The following CADM2 variants were observed in gnomAD, a reference collection of about 807,000 sequenced individuals.
The protein encoded by CADM2 is cell adhesion molecule 2.
Under a neutral mutation model 49.8 loss-of-function variants are expected in CADM2, and 12 were observed. The ratio of observed to expected loss-of-function variants is 0.24; its 90% CI spans 0.15 to 0.39. The LOEUF (loss-of-function observed/expected upper bound fraction) is 0.39, where lower values mean the gene tolerates loss of function less well. CADM2 is among the 10% of genes least tolerant of loss of function. The pLI is 1.00. For synonymous variants in CADM2, 214 were observed against 175.4 expected, an observed-to-expected ratio of 1.22 and a Z score of -1.74; for missense variants, 378 against 492.3, an observed-to-expected ratio of 0.77 and a Z score of 2.20.
intron 6 of CADM2, among the ~76,000 whole-genome samples, chr3:85,916,075 A>G (rs536190275): frequency 6.6e-6 from 1 of 152,306 alleles, no homozygotes; most frequent in African/African-American, 2.4e-5. Flanking sequence ...TATACAATTT[A>G]TATGAATCTA....
rs904610176 is a variant in CADM2, at chr3:85,784,526, A to ATATT, written c.89-17517_89-17514dup. On this transcript the variant is annotated intron_variant, in intron 2 of 9. Transcript: ENST00000383699. ...TGAGAAGAAAGAAAGAGATCTAAATATATTTATCTATCTATCTATCTATCT... is the reference window on the plus strand; with the variant it reads ...TGAGAAGAAAGAAAGAGATCTAAATATATTTATTTATCTATCTATCTATCTATCT... Among the ~76,000 whole-genome samples, 4 of 134,106 alleles carry ATATT rather than the reference A, an allele frequency of 3.0e-5. No individual in the cohort carries two copies. The Admixed American group carries it at 3.0e-4, about 10-fold the overall frequency. The allele number at this position is 134,106 out of a possible 152,430, so 88.0% of individuals were successfully genotyped here.
At chr3:85,127,798 G>T (rs72907103) in intron 1 of CADM2, among the ~76,000 whole-genome samples, 10,516 of 152,124 alleles carry the variant, frequency 0.069, 1,216 homozygotes, top group African/African-American at 0.24. Flanking sequence ...ACACATATTT[G>T]ATTTTAGAGT....
At chr3:85,234,378 TC>T (rs2042365730) in intron 1 of CADM2, among the ~76,000 whole-genome samples, 1 of 152,128 alleles carries the variant, frequency 6.6e-6, no homozygotes, top group African/African-American at 2.4e-5. Flanking sequence ...AATTTCTGTA[TC>T]TGCCTAAACA....
chr3:85,744,867 G>A (rs1242560474), intron 2 of CADM2, among the ~76,000 whole-genome samples: 1 of 152,134 alleles, frequency 6.6e-6, no homozygotes, highest in Non-Finnish European at 1.5e-5. Flanking sequence ...TACTCTGAGT[G>A]CAATGGCAAA....
At chr3:85,448,040 C>G (rs750069921) in intron 1 of CADM2, among the ~76,000 whole-genome samples, 6 of 152,006 alleles carry the variant, frequency 3.9e-5, no homozygotes, top group Admixed American at 2.6e-4. Flanking sequence ...GCACAAAATC[C>G]TAGCAAATAG....
At chr3:85,549,409 A>C (rs1194991255) in intron 1 of CADM2, among the ~76,000 whole-genome samples, 1 of 152,192 alleles carries the variant, frequency 6.6e-6, no homozygotes, top group Non-Finnish European at 1.5e-5. Flanking sequence ...CCGGTCTCAT[A>C]TATAAGAACA....
At chr3:85,912,878 TTGA>T (rs969796315) in intron 6 of CADM2, among the ~76,000 whole-genome samples, 9 of 152,148 alleles carry the variant, frequency 5.9e-5, no homozygotes, top group Admixed American at 5.2e-4. Flanking sequence ...TGAGAGGGCC[TTGA>T]TGAACAGTGT....
At chr3:85,371,550 C>T (rs904019427) in intron 1 of CADM2, among the ~76,000 whole-genome samples, 1 of 150,518 alleles carries the variant, frequency 6.6e-6, no homozygotes, top group Non-Finnish European at 1.5e-5. Flanking sequence ...TACACAAGAA[C>T]AAGAACAAAG....
chr3:85,650,571 G>A (rs2065016976), intron 1 of CADM2, among the ~76,000 whole-genome samples: 2 of 150,990 alleles, frequency 1.3e-5, no homozygotes, highest in African/African-American at 4.9e-5. Context: ...TAGAACAGTG[G>A]TTCTCAAAGT....
At chr3:85,317,312 A>AC in intron 1 of CADM2, among the ~76,000 whole-genome samples, 1 of 152,230 alleles carries the variant, frequency 6.6e-6, no homozygotes, top group South Asian at 2.1e-4. Context: ...CTCCCTAGGG[A>AC]CCTGACAGAT....
At chr3:85,110,043 C>T (rs538844639) in intron 1 of CADM2, among the ~76,000 whole-genome samples, 1 of 151,992 alleles carries the variant, frequency 6.6e-6, no homozygotes, top group East Asian at 1.9e-4. Flanking sequence ...GTTTAGGAGA[C>T]ACTTGGAAAA....
chr3:85,900,085 A>T (rs1243136757), intron 5 of CADM2, among the ~76,000 whole-genome samples: 1 of 152,132 alleles, frequency 6.6e-6, no homozygotes, highest in Non-Finnish European at 1.5e-5. Flanking sequence ...ATCTCTCAAG[A>T]TATTAAGCAG....
Position 86,071,725 on chromosome 3 carries a change from A to G in CADM2, c.*4942A>G, listed in dbSNP as rs1739881483. ...CTTCAGTGTATTCTATGGTGTATGAATCTGCATTTGTTTTTCCTTTTCTAT... is the reference window on the plus strand; with the variant it reads ...CTTCAGTGTATTCTATGGTGTATGAGTCTGCATTTGTTTTTCCTTTTCTAT... On this transcript the variant is annotated 3_prime_UTR_variant, in exon 10 of 10. Transcript: ENST00000383699. The G allele has an allele frequency of 6.6e-6, 1 of 151,972 alleles. No individual in the cohort carries two copies. Among genetic ancestry groups the G allele is most frequent in the Non-Finnish European group, 1.5e-5 (1 of 67,892 alleles). The allele number at this position is 151,972 out of a possible 1,614,324, so 9.4% of individuals were successfully genotyped here.
chr3:85,992,506 T>C (rs561804810), intron 8 of CADM2: 27 of 152,290 alleles, frequency 1.8e-4, no homozygotes, highest in Admixed American at 3.3e-4. Flanking sequence ...TTCATGTGTA[T>C]ATTTAAAGTA....
intron 1 of CADM2, among the ~76,000 whole-genome samples, chr3:85,257,616 A>G (rs985805567): frequency 1.9e-4 from 29 of 152,078 alleles, no homozygotes; most frequent in Admixed American, 1.8e-3. Context: ...TTATGGTCAA[A>G]AAAGAAAATT....
intron 1 of CADM2, among the ~76,000 whole-genome samples, chr3:85,240,118 G>A (rs191072722): frequency 9.2e-5 from 14 of 151,484 alleles, no homozygotes; most frequent in African/African-American, 3.4e-4. Context: ...TTTGTTACCA[G>A]ATTCAAGTGT....
chr3:85,801,276 C>T (rs1182829568), intron 2 of CADM2, among the ~76,000 whole-genome samples: 2 of 151,996 alleles, frequency 1.3e-5, no homozygotes, highest in Admixed American at 6.6e-5. Context: ...AAGAGCAAAA[C>T]CTTGATTACA....
At chr3:85,230,843 A>G (rs2042269914) in intron 1 of CADM2, among the ~76,000 whole-genome samples, 2 of 152,114 alleles carry the variant, frequency 1.3e-5, no homozygotes, top group South Asian at 4.1e-4. Flanking sequence ...CTCATTACTG[A>G]CAGGTAGATA....
chr3:85,124,617 A>G (rs929028308), intron 1 of CADM2, among the ~76,000 whole-genome samples: 1 of 152,040 alleles, frequency 6.6e-6, no homozygotes, highest in Non-Finnish European at 1.5e-5. Context: ...AAAACAAACT[A>G]ACTAACAAAC....
Sources: allele counts gnomAD v4.1 joint callset (sites outside exome capture counted in the v4.1 genomes callset), GRCh38; gene constraint gnomAD v4.1.1; transcripts MANE v1.5; gene names NCBI Gene and HGNC (gene_info 2026-07-23, HGNC 2026-07-21).